The following ARHGEF18 variants were observed in gnomAD, a reference collection of about 807,000 sequenced individuals.
ARHGEF18 encodes Rho/Rac guanine nucleotide exchange factor 18.
In ARHGEF18, 93 loss-of-function variants were observed where a neutral mutation model predicts 155.7. The ratio of observed to expected loss-of-function variants is 0.60; its 90% confidence interval spans 0.50 to 0.71. ARHGEF18 has a LOEUF of 0.71. Among genes scored for constraint, ARHGEF18 ranks in the 30% least tolerant of loss-of-function variants. The probability of loss-of-function intolerance (pLI) is 0.00; values close to 1 mark genes in which losing one functional copy is unlikely to be tolerated. For missense variants in ARHGEF18, 1,593 were observed against 1,816.1 expected, an observed-to-expected ratio of 0.88 and a Z score of 2.23; for synonymous variants, 742 against 753.1, an observed-to-expected ratio of 0.99 and a Z score of 0.24.
chr19:7,451,382 T>C (rs1231592256), intron 16 of ARHGEF18, 116 bp downstream of exon 16: 2 of 798,014 alleles, frequency 2.5e-6, no homozygotes, highest in Non-Finnish European at 3.9e-6. Flanking sequence ...AAATCCAGTT[T>C]GCTGGGTGCT....
At chr19:7,372,059 C>G (rs1250831655) in intron 2 of ARHGEF18, among the ~76,000 whole-genome samples, 1 of 152,214 alleles carries the variant, frequency 6.6e-6, no homozygotes, top group Non-Finnish European at 1.5e-5. Context: ...TGCCTGAGAT[C>G]ACATGGATGC....
At position 7,444,195 on chromosome 19, in the gene ARHGEF18, T is replaced by C. The variant is rs752631810; in HGVS notation, c.1361-9T>C. 2.5e-6 allele frequency: 4 copies of C among 1,610,266 alleles called. No homozygotes were observed. In the Admixed American group the frequency reaches 5.0e-5, roughly 20 times the overall value. On this transcript the variant is annotated splice_polypyrimidine_tract_variant and intron_variant, in intron 13 of 28. Coordinates refer to ENST00000668164, the MANE Select transcript of ARHGEF18 (RefSeq NM_001367823.1). This position sits in a 1 kb window ranked among gnomAD's most constrained non-coding sequence, Gnocchi z 4.7. ...GCATGGCTAAGTCCTGCCGTCTGTG[T>C]CCCTGCAGAGCTGATGCAGACAGAG...
At chr19:7,403,095 C>A (rs1174493763) in intron 10 of ARHGEF18, among the ~76,000 whole-genome samples, 1 of 152,120 alleles carries the variant, frequency 6.6e-6, no homozygotes, top group Non-Finnish European at 1.5e-5. Flanking sequence ...CTCACTGTAA[C>A]CTCCGCCTCC....
intron 3 of ARHGEF18, among the ~76,000 whole-genome samples, chr19:7,375,311 GAAA>G (rs539894745): frequency 3.1e-3 from 313 of 100,958 alleles, no homozygotes; most frequent in Non-Finnish European, 5.7e-3. Context: ...AGAAAAGAAA[GAAA>G]AAGAAAGAAA....
chr19:7,427,265 G>A (rs1482139103), intron 10 of ARHGEF18, among the ~76,000 whole-genome samples: 1 of 152,158 alleles, frequency 6.6e-6, no homozygotes, highest in Non-Finnish European at 1.5e-5. Context: ...CGCAAGGTGG[G>A]CCCAACGGCA....
chr19:7,383,172 C>A lies in ARHGEF18; in HGVS notation c.936C>A (p.Cys312Ter). ...LQGTFSGPSS[C>*]PLCGKPFLSS... ...GGACCTTCTCCGGCCCCTCCAGCTG[C>A]CCCCTGTGTGGCAAACCTTTCTTGA... Residue 312 changes from cysteine to a stop codon, truncating the protein, a stop_gained, in exon 10 of 29, where the codon TGC becomes TGA. Coordinates refer to ENST00000668164, the MANE Select transcript of ARHGEF18 (RefSeq NM_001367823.1). LOFTEE classifies it high-confidence loss of function. 8.1e-7 allele frequency: 1 copy of A among 1,232,272 alleles called. No individual in the cohort carries two copies. Among genetic ancestry groups the A allele is most frequent in the Non-Finnish European group, 1.0e-6 (1 of 988,070 alleles). The allele number at this position is 1,232,272 out of a possible 1,614,324, so 76.3% of individuals were successfully genotyped here.
rs1971628109 is a variant in ARHGEF18 at position 7,395,232 on chromosome 19, G to A, written c.967+12029G>A. 5.1e-6 allele frequency: 5 copies of A among 987,072 alleles called. No individual in the cohort carries two copies. The African/African-American group carries it at 5.2e-5, about 10-fold the overall frequency. 61.1% of individuals were successfully genotyped at this position (987,072 alleles called of 1,614,324 possible). On this transcript the variant is annotated intron_variant, in intron 10 of 28. Transcript: ENST00000668164. This position sits in a 1 kb window ranked among gnomAD's most constrained non-coding sequence, Gnocchi z 5.0. ...GAGGAGCTGGCGGAGAGCGGCCTGCGGGCGATCGGGCCGAGGTGAGGACGG... is the reference window on the plus strand; with the variant it reads ...GAGGAGCTGGCGGAGAGCGGCCTGCAGGCGATCGGGCCGAGGTGAGGACGG...
intron 18 of ARHGEF18, among the ~76,000 whole-genome samples, chr19:7,457,276 C>G (rs79860098): frequency 0.026 from 3,904 of 151,046 alleles, 170 homozygotes; most frequent in East Asian, 0.14. Flanking sequence ...CTGTGCTAAT[C>G]TCCTCTTGTT....
In ARHGEF18 at chr19:7,469,102, G is replaced by C. The variant is rs557283160; in HGVS notation, c.3758G>C (p.Ser1253Thr). ...TKGGKDKGGK[S>T]RGSQRWESSA... ...GGTGGCAAGGACAAGGGCGGCAAGA[G>C]CAGGGGCTCTCAGCGCTGGGAGAGC... Residue 1253 changes from serine to threonine, a missense_variant, in exon 27 of 29, where the codon AGC (serine) becomes ACC (threonine). Ser to Thr is a moderately conservative substitution (Grantham distance 58, BLOSUM62 1). Transcript: ENST00000668164. The C allele has an allele frequency of 7.7e-5, 123 of 1,607,254 alleles. No homozygotes were observed. In the East Asian group the frequency reaches 2.7e-3, roughly 36 times the overall value.
At chr19:7,373,474 T>G (rs533027186) in intron 3 of ARHGEF18, among the ~76,000 whole-genome samples, 99 of 132,908 alleles carry the variant, frequency 7.4e-4, no homozygotes, top group African/African-American at 2.2e-3. Flanking sequence ...TTTTTTTTTT[T>G]TTGTTTTTGT....
At chr19:7,465,678 G>C (rs1976566694) in intron 23 of ARHGEF18, among the ~76,000 whole-genome samples, 2 of 152,138 alleles carry the variant, frequency 1.3e-5, no homozygotes, top group African/African-American at 4.8e-5. Flanking sequence ...CAAAGTGTTG[G>C]GATTATAGGC....
intron 16 of ARHGEF18, 69 bp downstream of exon 16, chr19:7,451,335 T>A (rs1975450956): frequency 2.3e-6 from 3 of 1,331,210 alleles, no homozygotes; most frequent in Non-Finnish European, 3.2e-6. Flanking sequence ...GTGTACCCAC[T>A]CCCTATTTGA....
At chr19:7,410,821 A>AAAG (rs1440466192) in intron 10 of ARHGEF18, among the ~76,000 whole-genome samples, 2 of 151,294 alleles carry the variant, frequency 1.3e-5, no homozygotes, top group Non-Finnish European at 2.9e-5. Flanking sequence ...AAAAAAAAAA[A>AAAG]AAAAAAAGGT....
rs1230136406 is a variant in ARHGEF18 at position 7,447,168 on chromosome 19, G to A, written c.1737G>A (p.Lys579=). 6.2e-7 allele frequency: 1 copy of A among 1,607,702 alleles called. No homozygotes were observed. ...ACAAGAAATTTCAAAACTTGATCAAGGTAAAAACAATTTTTTTTTTTAATC... is the reference window on the plus strand; with the variant it reads ...ACAAGAAATTTCAAAACTTGATCAAAGTAAAAACAATTTTTTTTTTTAATC... ...QQNKKFQNLI[K]KIGNFSIVRR... is the part of the protein sequence containing the mutation. The change falls in exon 15 of 29, where the codon AAG becomes AAA. Residue 579 remains lysine (K), a splice_region_variant and synonymous_variant. Coordinates refer to ENST00000668164, the MANE Select transcript of ARHGEF18 (RefSeq NM_001367823.1).
Position 7,361,992 on chromosome 19 carries a change from G to GAAGAAGAAGA in ARHGEF18, c.-110-787_-110-778dup, listed in dbSNP as rs1360685894. Reference sequence around the variant, plus strand: ...GGGGGCAACAGAGCAAGACTCTGTGGAAGAAGAAGAAGAAGAAGAAGAAGG... The same window carrying GAAGAAGAAGA: ...GGGGGCAACAGAGCAAGACTCTGTGGAAGAAGAAGAAAGAAGAAGAAGAAGAAGAAGAAGG... On this transcript the variant is annotated intron_variant, in intron 1 of 28. Coordinates refer to ENST00000668164, the MANE Select transcript of ARHGEF18 (RefSeq NM_001367823.1). Among the ~76,000 whole-genome samples, 36 of 34,816 alleles carry GAAGAAGAAGA rather than the reference G, an allele frequency of 1.0e-3. 3 individuals are homozygous for GAAGAAGAAGA. The highest frequency in any genetic ancestry group is 9.3e-3 in the African/African-American group (34 of 3,638). The allele number at this position is 34,816 out of a possible 152,430, so 22.8% of individuals were successfully genotyped here. A position where few individuals can be genotyped will look rare whatever the true frequency, so the allele number is the denominator to read the frequency against.
chr19:7,405,572 C>T (rs1972261226), intron 10 of ARHGEF18, among the ~76,000 whole-genome samples: 1 of 152,194 alleles, frequency 6.6e-6, no homozygotes, highest in African/African-American at 2.4e-5. Context: ...CTTCAGGAAC[C>T]TCCTATTTCT....
At chr19:7,375,371 AAGGAAGAAAGAAAAGG>A (rs1970405687) in intron 3 of ARHGEF18, among the ~76,000 whole-genome samples, 1 of 150,352 alleles carries the variant, frequency 6.7e-6, no homozygotes, top group African/African-American at 2.4e-5. Context: ...GGAAGGAAGG[AAGGAAGAAAGAAAAGG>A]AAGGAAGGAA....
Position 7,453,625 on chromosome 19 carries a change from G to A in ARHGEF18, c.2014G>A (p.Gly672Arg), listed in dbSNP as rs374819073. 1.9e-6 allele frequency: 3 copies of A among 1,612,550 alleles called. No homozygotes were observed. Among genetic ancestry groups the A allele is most frequent in the South Asian group, 2.2e-5 (2 of 90,952 alleles). Residue 672 changes from glycine (G) to arginine (R), a missense_variant, in exon 17 of 29, where the codon GGG (glycine) becomes AGG (arginine). Coordinates refer to ENST00000668164, the MANE Select transcript of ARHGEF18 (RefSeq NM_001367823.1). Reference protein sequence around the residue: ...DLKSSSKLKNGLTFRKEDMLQ... With the variant: ...DLKSSSKLKNRLTFRKEDMLQ... ...GAAGTCTTCCAGCAAACTCAAGAAC[G>A]GGCTCACCTTCCGCAAGGAAGACAT...
chr19:7,462,367 T>G lies in ARHGEF18; in HGVS notation c.2635+33T>G. On this transcript the variant is annotated intron_variant, in intron 21 of 28. Transcript: ENST00000668164. This position sits in a 1 kb window ranked among gnomAD's most constrained non-coding sequence, Gnocchi z 4.4. Reference sequence around the variant, plus strand: ...GGCTGCCCACACCTCAAGGGTGCAGTCTTGCCGGGGTGGGCTCCTCAGGGA... The same window carrying G: ...GGCTGCCCACACCTCAAGGGTGCAGGCTTGCCGGGGTGGGCTCCTCAGGGA... 6.5e-7 allele frequency: 1 copy of G among 1,540,354 alleles called. No individual in the cohort carries two copies. Among genetic ancestry groups the G allele is most frequent in the Non-Finnish European group, 8.7e-7 (1 of 1,146,656 alleles).
Sources: gnomAD v4.1 joint callset for allele counts (sites outside exome capture counted in the v4.1 genomes callset) on GRCh38, gnomAD v4.1.1 for gene constraint, Gnocchi (gnomAD v3.1) non-coding constraint, MANE v1.5 for transcripts, NCBI Gene and HGNC (gene_info 2026-07-23, HGNC 2026-07-21) for gene names.